GLCCI1: variants seen among roughly 807,000 people sequenced by gnomAD.
GLCCI1 encodes the protein glucocorticoid induced 1, also known as glucocorticoid-induced transcript 1 protein.
In GLCCI1, 24 loss-of-function variants were observed where a neutral mutation model predicts 52.2. The ratio of observed to expected loss-of-function variants is 0.46; its 90% CI spans 0.33 to 0.65. GLCCI1 has a LOEUF of 0.65. Ranked by LOEUF, GLCCI1 falls within the 30% of genes least tolerant of loss-of-function variation. The probability of loss-of-function intolerance (pLI) is 0.02; values close to 1 mark genes in which losing one functional copy is unlikely to be tolerated. For missense variants in GLCCI1, 704 were observed against 701.5 expected, an observed-to-expected ratio of 1.00 and a Z score of -0.04; for synonymous variants, 310 against 276.5, an observed-to-expected ratio of 1.12 and a Z score of -1.20.
chr7:8,052,918 T>C (rs1249043357), intron 3 of GLCCI1, among the ~76,000 whole-genome samples: 1 of 152,190 alleles, frequency 6.6e-6, no homozygotes, highest in East Asian at 1.9e-4. Flanking sequence ...TGGAATAGAA[T>C]TCATTCTGAG....
In GLCCI1 at chr7:8,065,926, A is replaced by AGGAGAAGTCCCTC. The variant is rs780641105; in HGVS notation, c.967-4994_967-4982dup. On this transcript the variant is annotated intron_variant, in intron 5 of 7. Coordinates refer to ENST00000223145, the MANE Select transcript of GLCCI1 (RefSeq NM_138426.4). Reference sequence around the variant, plus strand: ...GATGTTATCCTTATAGAATTAGTTAAGGAGAAGTCCCTCCCCCTCAATTTT... The same window carrying AGGAGAAGTCCCTC: ...GATGTTATCCTTATAGAATTAGTTAAGGAGAAGTCCCTCGGAGAAGTCCCTCCCCCTCAATTTT... Among the ~76,000 whole-genome samples, 7 of 152,146 alleles carry AGGAGAAGTCCCTC rather than the reference A, an allele frequency of 4.6e-5. 1 individual carries two copies. Among genetic ancestry groups the AGGAGAAGTCCCTC allele is most frequent in the Non-Finnish European group, 8.8e-5 (6 of 68,026 alleles).
At chr7:8,002,396 G>A (rs1781067418) in intron 1 of GLCCI1, among the ~76,000 whole-genome samples, 1 of 152,080 alleles carries the variant, frequency 6.6e-6, no homozygotes, top group Non-Finnish European at 1.5e-5. Context: ...AAAATTTCAG[G>A]TAATTCCAAT....
Position 8,022,487 on chromosome 7 carries a change from C to A in GLCCI1, c.614C>A (p.Pro205His). 6.4e-7 allele frequency: 1 copy of A among 1,555,602 alleles called. No individual in the cohort carries two copies. Among genetic ancestry groups the A allele is most frequent in the Non-Finnish European group, 8.7e-7 (1 of 1,147,412 alleles). The change falls in exon 3 of 8, where the codon CCT (proline) becomes CAT (histidine). Residue 205 changes from proline to histidine, a missense_variant. By Grantham distance (77) the Pro-to-His change is moderately conservative. Around this residue, in one of 3 missense-constraint regions of GLCCI1, gnomAD observed 547 missense variants for 524.8 expected, o/e 1.04. Transcript: ENST00000223145. ...TTATATATATATTTTTTAAAGACAC[C>A]TAGCTGTTGGGCAGAAGAGGGTGCA... ...SCMKDKATQT[P>H]SCWAEEGAEK...
intron 2 of GLCCI1, among the ~76,000 whole-genome samples, chr7:8,007,201 A>G (rs778878051): frequency 7.9e-5 from 12 of 152,138 alleles, no homozygotes; most frequent in Non-Finnish European, 1.8e-4. Flanking sequence ...TTGACATTGA[A>G]AAGAAGGTAA....
chr7:8,077,521 T>C (rs1336197566), intron 6 of GLCCI1, among the ~76,000 whole-genome samples: 1 of 152,232 alleles, frequency 6.6e-6, no homozygotes, highest in Non-Finnish European at 1.5e-5. Context: ...GAAGCCCTGC[T>C]CTGCCACTTA....
chr7:8,072,197 C>A (rs1402529135), intron 6 of GLCCI1, among the ~76,000 whole-genome samples: 1 of 152,142 alleles, frequency 6.6e-6, no homozygotes, highest in Non-Finnish European at 1.5e-5. Context: ...AATTTAATTT[C>A]CCCTGTTACT....
chr7:7,981,908 C>G (rs1780629883), intron 1 of GLCCI1: 3 of 462,242 alleles, frequency 6.5e-6, no homozygotes, highest in East Asian at 6.6e-5. Flanking sequence ...GTAAAAATCA[C>G]AAGAAGAAAA....
chr7:8,045,354 G>C (rs1014017042), intron 3 of GLCCI1, among the ~76,000 whole-genome samples: 1 of 152,120 alleles, frequency 6.6e-6, no homozygotes, highest in Admixed American at 6.5e-5. Context: ...GAGGAAACCA[G>C]AGTACCCAGA....
chr7:7,985,638 C>T lies in GLCCI1; in HGVS notation c.457+15831C>T, dbSNP rs148530037. The stretch of plus-strand genomic sequence containing the variant: ...TATTTATAGTGTTATATTTCCTTCT[C>T]GGAAGCATTTATTCAATGCTGAACA... On this transcript the variant is annotated intron_variant, in intron 1 of 7. Transcript: ENST00000223145. Among the ~76,000 whole-genome samples the T allele has an allele frequency of 9.9e-5, 15 of 152,212 alleles. No individual in the cohort carries two copies. The East Asian group carries it at 2.9e-3, about 29-fold the overall frequency.
At position 7,984,096 on chromosome 7, in the gene GLCCI1, C is replaced by G. The variant is rs144086548; in HGVS notation, c.457+14289C>G. ...GTTTTTTTTGAGACAGGGTCTCACT[C>G]TGTCACCCAGGCTGATTGCAGTGGC... On this transcript the variant is annotated intron_variant, in intron 1 of 7. Coordinates refer to ENST00000223145, the MANE Select transcript of GLCCI1 (RefSeq NM_138426.4). 2.7e-4 allele frequency among the ~76,000 whole-genome samples: 41 copies of G among 152,302 alleles called. 1 individual carries two copies. Among genetic ancestry groups the G allele is most frequent in the African/African-American group, 6.3e-4 (26 of 41,568 alleles).
intron 4 of GLCCI1, 178 bp downstream of exon 4, chr7:8,055,727 C>T (rs77262223): frequency 3.1e-5 from 14 of 449,832 alleles, no homozygotes; most frequent in South Asian, 2.8e-4. Flanking sequence ...TGGTGGCTCA[C>T]GCCTGTAATC....
chr7:7,988,869 T>C (rs990514320), intron 1 of GLCCI1, among the ~76,000 whole-genome samples: 1 of 152,212 alleles, frequency 6.6e-6, no homozygotes, highest in Non-Finnish European at 1.5e-5. Context: ...TGCAGTTCTG[T>C]ATTTTTTTCT....
intron 6 of GLCCI1, among the ~76,000 whole-genome samples, chr7:8,079,348 TA>T (rs1251930959): frequency 6.8e-6 from 1 of 146,800 alleles, no homozygotes; most frequent in East Asian, 1.9e-4. Context: ...ATATAAAAAT[TA>T]AGATTGTATT....
rs1562413248 is a variant in GLCCI1, at chr7:7,976,510, AGG to A, written c.457+6704_457+6705del. Among the ~76,000 whole-genome samples the A allele has an allele frequency of 6.4e-4, 92 of 144,410 alleles. 1 individual carries two copies. The highest frequency in any genetic ancestry group is 2.9e-3 in the East Asian group (14 of 4,862). 94.7% of individuals were successfully genotyped at this position (144,410 alleles called of 152,430 possible). On this transcript the variant is annotated intron_variant, in intron 1 of 7. Coordinates refer to ENST00000223145, the MANE Select transcript of GLCCI1 (RefSeq NM_138426.4). ...AAAAAAAAAAAAAAGGAAAGGAAAA[AGG>A]AAAGGAGAAAGGAAAAAGGAAATAA...
rs1245702804 is a variant in GLCCI1 at position 8,086,221 on chromosome 7, T to G, written c.1327T>G (p.Phe443Val). ...ASRQPISAPL[F>V]SCPDKNKVNF... is the part of the protein sequence containing the mutation. ...TCGTCAGCCTATCTCGGCCCCTCTC[T>G]TTTCATGTCCTGACAAAAACAAGGT... The change falls in exon 8 of 8, where the codon TTT becomes GTT. Residue 443 changes from phenylalanine to valine, a missense_variant. Coordinates refer to ENST00000223145, the MANE Select transcript of GLCCI1 (RefSeq NM_138426.4). The surrounding 1 kb of genome is among the most constrained non-coding windows in gnomAD (Gnocchi z 4.4). 1 of 1,613,952 alleles carries G rather than the reference T, an allele frequency of 6.2e-7. No individual in the cohort carries two copies. The highest frequency in any genetic ancestry group is 2.2e-5 in the East Asian group (1 of 44,886).
At chr7:8,040,213 T>C (rs1488646822) in intron 3 of GLCCI1, among the ~76,000 whole-genome samples, 3 of 152,024 alleles carry the variant, frequency 2.0e-5, no homozygotes, top group African/African-American at 7.2e-5. Flanking sequence ...GAGGGAGGTG[T>C]GATGGCCCAC....
intron 1 of GLCCI1, among the ~76,000 whole-genome samples, chr7:7,996,852 T>G (rs1045094760): frequency 3.3e-5 from 5 of 152,220 alleles, no homozygotes; most frequent in Non-Finnish European, 7.3e-5. Context: ...GGTTCCAGGT[T>G]TGGTTGATGA....
chr7:8,057,725 T>TTTC (rs1159079785), intron 4 of GLCCI1, among the ~76,000 whole-genome samples: 1 of 152,216 alleles, frequency 6.6e-6, no homozygotes, highest in African/African-American at 2.4e-5. Context: ...TGCCTTCCTT[T>TTTC]TTCTTCTTAA....
intron 2 of GLCCI1, among the ~76,000 whole-genome samples, chr7:8,015,484 A>G (rs1001746622): frequency 6.6e-6 from 1 of 152,174 alleles, no homozygotes; most frequent in Non-Finnish European, 1.5e-5. Flanking sequence ...TGCCTCTTAG[A>G]TTGCATTCTA....
Sources: gnomAD v4.1 joint callset for allele counts (sites outside exome capture counted in the v4.1 genomes callset) on GRCh38, gnomAD v4.1.1 for gene constraint, gnomAD v4.1.1 regional missense constraint, Gnocchi (gnomAD v3.1) non-coding constraint, MANE v1.5 for transcripts, NCBI Gene and HGNC (gene_info 2026-07-23, HGNC 2026-07-21) for gene names.